The following LINGO2 variants were observed in gnomAD, a reference collection of about 807,000 sequenced individuals.
The protein encoded by LINGO2 is leucine-rich repeat and immunoglobulin-like domain-containing nogo receptor-interacting protein 2.
LINGO2 carries 14 observed loss-of-function variants against 30.6 expected under a neutral mutation model. That is an observed-to-expected ratio of 0.46 (90% CI 0.30 to 0.72). The LOEUF (loss-of-function observed/expected upper bound fraction) is 0.72, where lower values mean the gene tolerates loss of function less well. Among genes scored for constraint, LINGO2 ranks in the 30% least tolerant of loss-of-function variants. LINGO2 has a pLI of 0.07. For missense variants in LINGO2, 729 were observed against 751.7 expected, an observed-to-expected ratio of 0.97 and a Z score of 0.35; for synonymous variants, 317 against 288.5, an observed-to-expected ratio of 1.10 and a Z score of -1.00.
At chr9:28,597,554 G>C (rs1825245296) in intron 1 of LINGO2, among the ~76,000 whole-genome samples, 1 of 152,092 alleles carries the variant, frequency 6.6e-6, no homozygotes, top group African/African-American at 2.4e-5. Context: ...AAAGTACAAA[G>C]GTCTTTTGTT....
intron 2 of LINGO2, among the ~76,000 whole-genome samples, chr9:28,463,960 A>T (rs553097457): frequency 6.6e-6 from 1 of 152,118 alleles, no homozygotes. Context: ...AATGTACTTC[A>T]CATTATGCCT....
intron 2 of LINGO2, among the ~76,000 whole-genome samples, chr9:28,405,291 T>C (rs966580896): frequency 6.6e-6 from 1 of 152,148 alleles, no homozygotes; most frequent in Admixed American, 6.6e-5. Context: ...GACATTGTTA[T>C]ATTAATATGT....
chr9:28,625,024 C>T (rs909770159), intron 1 of LINGO2, among the ~76,000 whole-genome samples: 5 of 151,882 alleles, frequency 3.3e-5, no homozygotes, highest in African/African-American at 1.2e-4. Context: ...TCCCCTGGCT[C>T]GAAGACCAGC....
At chr9:29,194,463 G>A in the LINGO2 span, among the ~76,000 whole-genome samples, 6 of 152,248 alleles carry the variant, frequency 3.9e-5, no homozygotes, top group African/African-American at 7.2e-5. Context: ...CCTGTTCCCC[G>A]TGCATCAACT....
chr9:28,771,453 G>A, the LINGO2 span, among the ~76,000 whole-genome samples: 1 of 34,984 alleles, frequency 2.9e-5, no homozygotes, highest in Admixed American at 2.8e-4. Flanking sequence ...TTCCTATTTG[G>A]TGTGTGTGTG....
chr9:28,760,870 A>G, the LINGO2 span, among the ~76,000 whole-genome samples: 1 of 151,372 alleles, frequency 6.6e-6, no homozygotes, highest in East Asian at 1.9e-4. Context: ...TCCATCATAT[A>G]TATGTATATG....
At chr9:28,054,802 T>G (rs1824845678) in intron 4 of LINGO2, among the ~76,000 whole-genome samples, 1 of 152,152 alleles carries the variant, frequency 6.6e-6, no homozygotes. Flanking sequence ...TTTTTAATTT[T>G]CAATATTTCC....
the LINGO2 span, among the ~76,000 whole-genome samples, chr9:28,733,923 T>A: frequency 6.6e-6 from 1 of 152,110 alleles, no homozygotes; most frequent in Non-Finnish European, 1.5e-5. Context: ...AAACTTTACA[T>A]CTGTTATCTG....
At chr9:28,634,459 C>T (rs1827152985) in intron 1 of LINGO2, among the ~76,000 whole-genome samples, 1 of 151,210 alleles carries the variant, frequency 6.6e-6, no homozygotes, top group African/African-American at 2.4e-5. Flanking sequence ...TCCCCTCCCC[C>T]CACACTTTCT....
At chr9:28,041,755 T>A (rs1563937026) in intron 4 of LINGO2, among the ~76,000 whole-genome samples, 1 of 152,194 alleles carries the variant, frequency 6.6e-6, no homozygotes, top group African/African-American at 2.4e-5. Flanking sequence ...CGACATATTA[T>A]AATTTACATA....
At chr9:28,470,270 A>C (rs1055558692) in intron 2 of LINGO2, among the ~76,000 whole-genome samples, 2 of 152,212 alleles carry the variant, frequency 1.3e-5, no homozygotes, top group African/African-American at 4.8e-5. Flanking sequence ...TACCAAAATA[A>C]AACAAAGAAA....
At chr9:28,322,024 C>T (rs1453989718) in intron 3 of LINGO2, among the ~76,000 whole-genome samples, 1 of 152,210 alleles carries the variant, frequency 6.6e-6, no homozygotes, top group African/African-American at 2.4e-5. Flanking sequence ...GCTTTCCATG[C>T]TACTTGGAAT....
chr9:28,086,718 G>A (rs888673726), intron 4 of LINGO2, among the ~76,000 whole-genome samples: 2 of 152,006 alleles, frequency 1.3e-5, no homozygotes, highest in Non-Finnish European at 1.5e-5. Context: ...CTGGACGAGT[G>A]AGAGTGAAAA....
chr9:29,057,068 T>A, the LINGO2 span, among the ~76,000 whole-genome samples: 1 of 152,146 alleles, frequency 6.6e-6, no homozygotes, highest in East Asian at 1.9e-4. Context: ...CTATCTGGGC[T>A]CTCTTTTGGT....
chr9:29,063,572 T>C, the LINGO2 span, among the ~76,000 whole-genome samples: 1 of 151,928 alleles, frequency 6.6e-6, no homozygotes, highest in Non-Finnish European at 1.5e-5. Flanking sequence ...CGAATATCTG[T>C]ATTTTTCATA....
chr9:28,211,703 G>T (rs1820598261), intron 4 of LINGO2, among the ~76,000 whole-genome samples: 1 of 151,360 alleles, frequency 6.6e-6, no homozygotes, highest in Admixed American at 6.6e-5. Context: ...ATATTCATGT[G>T]ATTCACACTC....
chr9:28,554,225 C>G (rs979013904), intron 1 of LINGO2, among the ~76,000 whole-genome samples: 3 of 151,518 alleles, frequency 2.0e-5, no homozygotes, highest in African/African-American at 4.9e-5. Flanking sequence ...AGAGTCAAGA[C>G]CCATCAGTGT....
At chr9:28,334,290 T>C (rs1053007336) in intron 3 of LINGO2, among the ~76,000 whole-genome samples, 14 of 152,224 alleles carry the variant, frequency 9.2e-5, no homozygotes, top group Non-Finnish European at 1.6e-4. Context: ...GTAAATCCTG[T>C]ATTTATATTT....
the LINGO2 span, among the ~76,000 whole-genome samples, chr9:29,140,892 A>G: frequency 6.6e-6 from 1 of 152,076 alleles, no homozygotes. Flanking sequence ...ACTAGAAGAA[A>G]AAAAGAACCT....
Sources: gnomAD v4.1 joint callset for allele counts (sites outside exome capture counted in the v4.1 genomes callset) on GRCh38, gnomAD v4.1.1 for gene constraint, MANE v1.5 for transcripts, NCBI Gene and HGNC (gene_info 2026-07-23, HGNC 2026-07-21) for gene names.